Variants in ATF6B observed in about 807,000 individuals in gnomAD.
ATF6B encodes the protein activating transcription factor 6 beta.
Under a neutral mutation model 83.5 loss-of-function variants are expected in ATF6B, and 50 were observed. The observed-to-expected ratio is 0.60, with a 90% CI of 0.48 to 0.76. ATF6B has a LOEUF of 0.76. Ranked by LOEUF, ATF6B falls within the 30% of genes least tolerant of loss-of-function variation. The pLI is 0.00. For missense variants in ATF6B, 790 were observed against 893.8 expected, an observed-to-expected ratio of 0.88 and a Z score of 1.48; for synonymous variants, 344 against 362.8, an observed-to-expected ratio of 0.95 and a Z score of 0.59.
Position 32,116,341 on chromosome 6 carries a change from C to T in ATF6B, c.1882+139G>A, listed in dbSNP as rs967641267. 1.0e-5 allele frequency: 8 copies of T among 799,520 alleles called. No homozygotes were observed. Among genetic ancestry groups the T allele is most frequent in the Non-Finnish European group, 1.6e-5 (8 of 508,400 alleles). The allele number at this position is 799,520 out of a possible 1,614,324, so 49.5% of individuals were successfully genotyped here. On this transcript the variant is annotated intron_variant, in intron 17 of 17. Transcript: ENST00000375203. This position sits in a 1 kb window ranked among gnomAD's most constrained non-coding sequence, Gnocchi z 5.1. The stretch of plus-strand genomic sequence containing the variant: ...CAAGTCTCCTGCATGGTGCTCTTCC[C>T]TCCACCTACTTCCTGCTGCTTCTCA...
rs1384761120 is a variant in ATF6B at position 32,118,841 on chromosome 6, C to G, written c.1178G>C (p.Gly393Ala). Residue 393 changes from glycine (G) to alanine (A), a missense_variant, in exon 11 of 18, where the codon GGA becomes GCA. Physicochemically the swap from Gly to Ala is moderately conservative, Grantham distance 60 (BLOSUM62 0). Coordinates refer to ENST00000375203, the MANE Select transcript of ATF6B (RefSeq NM_004381.5). The surrounding 1 kb of genome is among the most constrained non-coding windows in gnomAD (Gnocchi z 5.2). ...CATGATGCAGACCACCTTCCTGTTT[C>G]CAGACCCTAACTTGAGCTCGCTGTT... ...AENSELKLGS[G>A]NRKVVCIMVF... 6.2e-7 allele frequency: 1 copy of G among 1,614,220 alleles called. No homozygotes were observed. The highest frequency in any genetic ancestry group is 8.5e-7 in the Non-Finnish European group (1 of 1,180,028).
At position 32,119,817 on chromosome 6, in the gene ATF6B, C is replaced by G. The variant is rs759245777; in HGVS notation, c.966+7G>C. 6.2e-7 allele frequency: 1 copy of G among 1,613,646 alleles called. No homozygotes were observed. Among genetic ancestry groups the G allele is most frequent in the Non-Finnish European group, 8.5e-7 (1 of 1,179,706 alleles). On this transcript the variant is annotated splice_region_variant and intron_variant, in intron 9 of 17. Coordinates refer to ENST00000375203, the MANE Select transcript of ATF6B (RefSeq NM_004381.5). This position sits in a 1 kb window ranked among gnomAD's most constrained non-coding sequence, Gnocchi z 4.9. The stretch of plus-strand genomic sequence containing the variant: ...CTCGCCCTACTTCTCTCCTCCCCAA[C>G]ACTTACATCCACTTCAGGCGGGCAG...
At chr6:32,126,274 G>T in intron 4 of ATF6B, 22 bp from the exon 5 acceptor site, 4 of 1,611,170 alleles carry the variant, frequency 2.5e-6, no homozygotes, top group Non-Finnish European at 3.4e-6. Context: ...TTGGTGTGGG[G>T]CAGGGGGCAG....
chr6:32,116,775 G>C lies in ATF6B; in HGVS notation c.1726C>G (p.Arg576Gly). 3.7e-6 allele frequency: 6 copies of C among 1,614,166 alleles called. No individual in the cohort carries two copies. Among genetic ancestry groups the C allele is most frequent in the Non-Finnish European group, 5.1e-6 (6 of 1,180,020 alleles). The change falls in exon 16 of 18, where the codon CGT becomes GGT. Residue 576 changes from arginine (R) to glycine (G), a missense_variant. Around this residue, in one of 3 missense-constraint regions of ATF6B, gnomAD observed 530 missense variants for 632.6 expected, o/e 0.84. Transcript: ENST00000375203. This position sits in a 1 kb window ranked among gnomAD's most constrained non-coding sequence, Gnocchi z 5.1. ...GQLQLYRHPD[R>G]SQPAFLDAID... ...GCATCCAAGAATGCTGGCTGCGAAC[G>C]GTCTGGGTGGCGATATAGTTGCAGC...
rs147860264 is a variant in ATF6B at position 32,127,616 on chromosome 6, T to C, written c.171+55A>G. 1,560 of 1,612,632 alleles carry C rather than the reference T, an allele frequency of 9.7e-4. 55 individuals are homozygous for C. In the East Asian group the frequency reaches 0.021, roughly 22 times the overall value. The stretch of plus-strand genomic sequence containing the variant: ...GTTATGGCCTGTGAATGGGTCCAGG[T>C]TCTGGGCTCACTTTCCACCCACCAA... On this transcript the variant is annotated intron_variant, in intron 2 of 17. Coordinates refer to ENST00000375203, the MANE Select transcript of ATF6B (RefSeq NM_004381.5).
intron 1 of ATF6B, 56 bp from the exon 2 acceptor site, chr6:32,127,806 C>T (rs1418621341): frequency 6.4e-7 from 1 of 1,565,824 alleles, no homozygotes; most frequent in Non-Finnish European, 8.8e-7. Context: ...CTACAGATCG[C>T]ACACAAGCCC....
At position 32,117,110 on chromosome 6, in the gene ATF6B, G is replaced by A. The variant is rs200434428; in HGVS notation, c.1615-3C>T. On this transcript the variant is annotated splice_region_variant and splice_polypyrimidine_tract_variant and intron_variant, in intron 14 of 17. Transcript: ENST00000375203. The surrounding 1 kb of genome is among the most constrained non-coding windows in gnomAD (Gnocchi z 5.0). ...GACTTCTTCCGTGGCTGAGACTTCTGGAAGGAGAAGTATCTAAGGACTTGG... is the reference window on the plus strand; with the variant it reads ...GACTTCTTCCGTGGCTGAGACTTCTAGAAGGAGAAGTATCTAAGGACTTGG... The A allele has an allele frequency of 3.7e-6, 6 of 1,613,552 alleles. No individual in the cohort carries two copies. Among genetic ancestry groups the A allele is most frequent in the Non-Finnish European group, 5.1e-6 (6 of 1,179,668 alleles).
At position 32,118,847 on chromosome 6, in the gene ATF6B, C is replaced by G; in HGVS notation, c.1172G>C (p.Gly391Ala). The change falls in exon 11 of 18, where the codon GGG becomes GCG. Residue 391 changes from glycine (G) to alanine (A), a missense_variant. By Grantham distance (60) the Gly-to-Ala change is moderately conservative. Around this residue, in one of 3 missense-constraint regions of ATF6B, gnomAD observed 530 missense variants for 632.6 expected, o/e 0.84. Coordinates refer to ENST00000375203, the MANE Select transcript of ATF6B (RefSeq NM_004381.5). The surrounding 1 kb of genome is among the most constrained non-coding windows in gnomAD (Gnocchi z 5.2). ...LLAENSELKL[G>A]SGNRKVVCIM... The stretch of plus-strand genomic sequence containing the variant: ...GCAGACCACCTTCCTGTTTCCAGAC[C>G]CTAACTTGAGCTCGCTGTTCTAAGG... 6.2e-7 allele frequency: 1 copy of G among 1,614,206 alleles called. No individual in the cohort carries two copies. The highest frequency in any genetic ancestry group is 1.7e-5 in the Admixed American group (1 of 60,022).
intron 8 of ATF6B, 129 bp from the exon 9 acceptor site, chr6:32,120,086 C>T (rs932084072): frequency 8.2e-7 from 1 of 1,223,208 alleles, no homozygotes; most frequent in Non-Finnish European, 1.1e-6. Context: ...TCAATGCAGC[C>T]CGCCTCCTTT....
intron 8 of ATF6B, 32 bp downstream of exon 8, chr6:32,120,738 AC>A: frequency 6.2e-7 from 1 of 1,603,464 alleles, no homozygotes; most frequent in Non-Finnish European, 8.5e-7. Flanking sequence ...GGCGTGAGCC[AC>A]CATGCCCGGC....
At position 32,115,719 on chromosome 6, in the gene ATF6B, G is replaced by A. The variant is rs1235874588; in HGVS notation, c.*20C>T. On this transcript the variant is annotated 3_prime_UTR_variant, in exon 18 of 18. Coordinates refer to ENST00000375203, the MANE Select transcript of ATF6B (RefSeq NM_004381.5). ...CTGGTACCCCCTCCCCCCGTTCTAA[G>A]TCAGTGTGAATGGCAGAGGTCAGGG... The A allele has an allele frequency of 1.3e-6, 2 of 1,560,848 alleles. No individual in the cohort carries two copies. Among genetic ancestry groups the A allele is most frequent in the Middle Eastern group, 1.8e-4 (1 of 5,710 alleles).
chr6:32,117,840 CCTCT>C lies in ATF6B; in HGVS notation c.1424+15_1424+18del, dbSNP rs754006330. 11 of 1,547,706 alleles carry C rather than the reference CCTCT, an allele frequency of 7.1e-6. No individual in the cohort carries two copies. The highest frequency in any genetic ancestry group is 1.9e-4 in the Middle Eastern group (1 of 5,348). ...CTCATACCCTCAAACGAGAGGGGGC[CCTCT>C]CTCTCTCTCCTCACCTGAAACTGGG... On this transcript the variant is annotated intron_variant, in intron 12 of 17. Transcript: ENST00000375203. This position sits in a 1 kb window ranked among gnomAD's most constrained non-coding sequence, Gnocchi z 5.0.
Position 32,119,009 on chromosome 6 carries a change from G to C in ATF6B, c.1099C>G (p.Leu367Val). 1 of 1,614,166 alleles carries C rather than the reference G, an allele frequency of 6.2e-7. No individual in the cohort carries two copies. Among genetic ancestry groups the C allele is most frequent in the Non-Finnish European group, 8.5e-7 (1 of 1,180,012 alleles). The change falls in exon 10 of 18, where the codon CTC (leucine) becomes GTC (valine). Residue 367 changes from leucine to valine, a missense_variant. Transcript: ENST00000375203. The surrounding 1 kb of genome is among the most constrained non-coding windows in gnomAD (Gnocchi z 4.9). ...LQAVLADNQQ[L>V]RRENAALRRR... The stretch of plus-strand genomic sequence containing the variant: ...CGGAGGGCAGCATTCTCTCGGCGGA[G>C]CTGCTGGTTGTCAGCCAGTACTGCT...
chr6:32,123,973 G>C (rs1039563464), intron 5 of ATF6B, among the ~76,000 whole-genome samples: 2 of 152,190 alleles, frequency 1.3e-5, no homozygotes, highest in Admixed American at 1.3e-4. Context: ...GGGAGCCAAA[G>C]TGGGTGGATC....
In ATF6B at chr6:32,115,319, C is replaced by T. The variant is rs1388058529; in HGVS notation, c.*420G>A. On this transcript the variant is annotated 3_prime_UTR_variant, in exon 18 of 18. Transcript: ENST00000375203. The stretch of plus-strand genomic sequence containing the variant: ...AATAATAATAAAAAAGAAATGCACA[C>T]ACATAAACCTGAACTCCCCCCCACC... 5.5e-6 allele frequency: 1 copy of T among 180,238 alleles called. No homozygotes were observed. Among genetic ancestry groups the T allele is most frequent in the Non-Finnish European group, 1.1e-5 (1 of 87,492 alleles). The allele number at this position is 180,238 out of a possible 1,614,324, so 11.2% of individuals were successfully genotyped here. A position where few individuals can be genotyped will look rare whatever the true frequency, so the allele number is the denominator to read the frequency against.
intron 1 of ATF6B, 151 bp downstream of exon 1, chr6:32,127,966 A>C: frequency 1.0e-6 from 1 of 987,338 alleles, no homozygotes; most frequent in Non-Finnish European, 1.5e-6. Context: ...TGACTTTTGT[A>C]TCCCCCTTAA....
At chr6:32,122,268 C>G (rs943577668) in intron 5 of ATF6B, among the ~76,000 whole-genome samples, 12 of 152,320 alleles carry the variant, frequency 7.9e-5, no homozygotes, top group Admixed American at 6.5e-4. Context: ...AACAGCAAAG[C>G]CTCAGTCACC....
rs761480183 is a variant in ATF6B, at chr6:32,121,367, G to A, written c.479-19C>T. ...TGGACATCTGTGGGAGGCAGGATGA[G>A]GCAAAAGCTGGATATCATGTAAACA... On this transcript the variant is annotated intron_variant, in intron 5 of 17. Coordinates refer to ENST00000375203, the MANE Select transcript of ATF6B (RefSeq NM_004381.5). 5 of 1,603,858 alleles carry A rather than the reference G, an allele frequency of 3.1e-6. No homozygotes were observed. The South Asian group carries it at 4.4e-5, about 14-fold the overall frequency.
At chr6:32,121,391 C>T (rs760530100) in intron 5 of ATF6B, 43 bp from the exon 6 acceptor site, 1 of 1,570,574 alleles carries the variant, frequency 6.4e-7, no homozygotes, top group Non-Finnish European at 8.7e-7. Flanking sequence ...ATCATGTAAA[C>T]ACTGAAGGGT....
Sources: allele counts gnomAD v4.1 joint callset (sites outside exome capture counted in the v4.1 genomes callset), GRCh38; gene constraint gnomAD v4.1.1; regional missense constraint gnomAD v4.1.1; non-coding constraint Gnocchi (gnomAD v3.1); transcripts MANE v1.5; gene names NCBI Gene and HGNC (gene_info 2026-07-23, HGNC 2026-07-21).